Variants in STARD13 observed in about 807,000 individuals in gnomAD.
STARD13 encodes stAR-related lipid transfer protein 13.
STARD13 carries 62 observed loss-of-function variants against 106.4 expected under a neutral mutation model. The ratio of observed to expected loss-of-function variants is 0.58; its 90% CI spans 0.48 to 0.72. The LOEUF is 0.72. Among genes scored for constraint, STARD13 ranks in the 30% least tolerant of loss-of-function variants. STARD13 has a pLI of 0.00. For missense variants in STARD13, 1,387 were observed against 1,424.0 expected (o/e 0.97, Z 0.42); for synonymous variants, 565 against 553.0 (o/e 1.02, Z -0.31).
At chr13:33,645,329 G>A in the STARD13 span, among the ~76,000 whole-genome samples, 1 of 152,186 alleles carries the variant, frequency 6.6e-6, no homozygotes, top group East Asian at 1.9e-4. Flanking sequence ...AGCATCAACT[G>A]TCATCAGTGA....
chr13:33,439,710 G>C, the STARD13 span: 545,001 of 1,232,628 alleles, frequency 0.44, 125,024 homozygotes, highest in African/African-American at 0.67. Context: ...CTTTGGGTCT[G>C]TTATCAGAGA....
chr13:33,405,378 G>C, the STARD13 span, among the ~76,000 whole-genome samples: 1 of 152,236 alleles, frequency 6.6e-6, no homozygotes, highest in African/African-American at 2.4e-5. Context: ...CCCCTCACTT[G>C]TGGGTGCTCA....
At chr13:33,490,946 C>T in the STARD13 span, among the ~76,000 whole-genome samples, 1 of 152,208 alleles carries the variant, frequency 6.6e-6, no homozygotes, top group Non-Finnish European at 1.5e-5. Context: ...TGCCCATCTG[C>T]ATGCTCCTCC....
At chr13:33,449,255 A>C in the STARD13 span, among the ~76,000 whole-genome samples, 5 of 152,082 alleles carry the variant, frequency 3.3e-5, no homozygotes, top group Non-Finnish European at 7.4e-5. Context: ...TTAAGTTTTT[A>C]ATTCATCTTG....
chr13:33,447,364 G>C, the STARD13 span, among the ~76,000 whole-genome samples: 13 of 152,200 alleles, frequency 8.5e-5, no homozygotes, highest in Non-Finnish European at 4.4e-5. Flanking sequence ...AGGGATGTAG[G>C]CTTCCAGGTG....
chr13:33,270,677 G>A (rs1891114815), intron 1 of STARD13, among the ~76,000 whole-genome samples: 1 of 152,132 alleles, frequency 6.6e-6, no homozygotes, highest in African/African-American at 2.4e-5. Flanking sequence ...TACAAATTAG[G>A]TCTCTCCCTC....
chr13:33,574,962 G>C, the STARD13 span, among the ~76,000 whole-genome samples: 1 of 134,716 alleles, frequency 7.4e-6, no homozygotes, highest in Non-Finnish European at 1.5e-5. Context: ...CTTTTGCCCA[G>C]CTGGAGTGCA....
At chr13:33,617,970 T>G in the STARD13 span, among the ~76,000 whole-genome samples, 2,159 of 152,304 alleles carry the variant, frequency 0.014, 50 homozygotes, top group African/African-American at 0.046. Context: ...ATGGAGACAT[T>G]GGAGTTGCAT....
At chr13:33,653,822 ACT>A in the STARD13 span, among the ~76,000 whole-genome samples, 22 of 152,286 alleles carry the variant, frequency 1.4e-4, no homozygotes, top group African/African-American at 4.6e-4. Context: ...ATCTCTTACA[ACT>A]CTACAACAAA....
chr13:33,238,434 G>A (rs984919684), intron 1 of STARD13, among the ~76,000 whole-genome samples: 2 of 152,128 alleles, frequency 1.3e-5, no homozygotes, highest in Non-Finnish European at 2.9e-5. Flanking sequence ...CCCCCAAAAG[G>A]TAAAGTGAGT....
the STARD13 span, among the ~76,000 whole-genome samples, chr13:33,455,393 G>A: frequency 6.6e-6 from 1 of 152,154 alleles, no homozygotes; most frequent in African/African-American, 2.4e-5. Context: ...GGGAGGTGGG[G>A]CTAAGACAGG....
chr13:33,672,097 T>C, the STARD13 span, among the ~76,000 whole-genome samples: 1,824 of 152,248 alleles, frequency 0.012, 22 homozygotes, highest in Non-Finnish European at 0.019. Flanking sequence ...GTTCACAATA[T>C]CAAAGACTTG....
chr13:33,416,884 G>C, the STARD13 span, among the ~76,000 whole-genome samples: 1 of 152,028 alleles, frequency 6.6e-6, no homozygotes, highest in Non-Finnish European at 1.5e-5. Context: ...GTAATCCAAA[G>C]GACACCATCA....
In STARD13 at chr13:33,155,273, C is replaced by T. The variant is rs190353490; in HGVS notation, c.323+10064G>A. ...GAAGGGTATCTCTGCCACCCAGCTG[C>T]TCAAACCAGGAGGACTCAGCTCACC... On this transcript the variant is annotated intron_variant, in intron 3 of 13. Transcript: ENST00000336934. Among the ~76,000 whole-genome samples, 293 of 152,250 alleles carry T rather than the reference C, an allele frequency of 1.9e-3. 1 individual carries two copies. The highest frequency in any genetic ancestry group is 6.8e-3 in the Middle Eastern group (2 of 294).
intron 1 of STARD13, among the ~76,000 whole-genome samples, chr13:33,327,190 A>C (rs1321965566): frequency 1.3e-5 from 2 of 152,226 alleles, no homozygotes; most frequent in East Asian, 3.8e-4. Flanking sequence ...CAATGTTACC[A>C]TTTAAAATAT....
chr13:33,398,902 C>A, the STARD13 span, among the ~76,000 whole-genome samples: 3 of 152,148 alleles, frequency 2.0e-5, no homozygotes, highest in African/African-American at 7.2e-5. Flanking sequence ...TTGGTATTTA[C>A]TCAAGAGAAA....
intron 3 of STARD13, among the ~76,000 whole-genome samples, chr13:33,156,319 C>G (rs937738725): frequency 6.6e-6 from 1 of 152,160 alleles, no homozygotes; most frequent in Non-Finnish European, 1.5e-5. Context: ...TGTCCCTGTT[C>G]CTCTCTTGAG....
At chr13:33,402,817 C>T in the STARD13 span, among the ~76,000 whole-genome samples, 11 of 152,328 alleles carry the variant, frequency 7.2e-5, no homozygotes, top group African/African-American at 2.6e-4. Context: ...GCTGAATGGC[C>T]AAACTCCAGG....
chr13:33,488,984 A>G, the STARD13 span, among the ~76,000 whole-genome samples: 1 of 152,310 alleles, frequency 6.6e-6, no homozygotes, highest in East Asian at 1.9e-4. Context: ...CTCAAGTTGA[A>G]CACACCCTGC....
Sources: allele counts gnomAD v4.1 joint callset (sites outside exome capture counted in the v4.1 genomes callset), GRCh38; gene constraint gnomAD v4.1.1; transcripts MANE v1.5; gene names NCBI Gene and HGNC (gene_info 2026-07-23, HGNC 2026-07-21).